Variants in KATNIP observed in about 807,000 individuals in gnomAD.
KATNIP encodes katanin interacting protein, also known as katanin-interacting protein.
In KATNIP, 126 loss-of-function variants were observed where a neutral mutation model predicts 174.0. That is an observed-to-expected ratio of 0.72 (90% CI 0.63 to 0.84). The LOEUF (loss-of-function observed/expected upper bound fraction) is 0.84, where lower values mean the gene tolerates loss of function less well. Among genes scored for constraint, KATNIP ranks in the 40% least tolerant of loss-of-function variants. KATNIP has a pLI of 0.00. For missense variants in KATNIP, 1,958 were observed against 2,109.7 expected (o/e 0.93, Z 1.41); for synonymous variants, 810 against 835.7 (o/e 0.97, Z 0.53).
At chr16:27,631,926 C>T (rs147383569) in intron 5 of KATNIP, among the ~76,000 whole-genome samples, 169 of 152,324 alleles carry the variant, frequency 1.1e-3, no homozygotes, top group Non-Finnish European at 2.0e-3. Flanking sequence ...CACGTAGGCT[C>T]AGCTCCCATG....
intron 2 of KATNIP, among the ~76,000 whole-genome samples, chr16:27,585,333 G>A (rs747146321): frequency 1.1e-4 from 16 of 152,220 alleles, no homozygotes; most frequent in Non-Finnish European, 1.6e-4. Flanking sequence ...TGTTTGTTGG[G>A]AATGTAAATT....
Position 27,750,229 on chromosome 16 carries a change from A to T in KATNIP, c.3269A>T (p.Lys1090Met). ...CGGATACATTCCTTCCGAGGCGTGA[A>T]GGACATCACAATGCTGTTAGACACC... Reference protein sequence around the residue: ...KSRIHSFRGVKDITMLLDTQC... With the variant: ...KSRIHSFRGVMDITMLLDTQC... Residue 1090 changes from lysine (K) to methionine (M), a missense_variant, in exon 16 of 28, where the codon AAG becomes ATG. Around this residue, in one of 3 missense-constraint regions of KATNIP, gnomAD observed 1,557 missense variants for 1,617.8 expected, o/e 0.96. Transcript: ENST00000261588. 1 of 1,614,122 alleles carries T rather than the reference A, an allele frequency of 6.2e-7. No individual in the cohort carries two copies. Among genetic ancestry groups the T allele is most frequent in the Non-Finnish European group, 8.5e-7 (1 of 1,180,026 alleles).
chr16:27,723,975 C>T lies in KATNIP; in HGVS notation c.1743+2280C>T, dbSNP rs139330550. ...AGGCAGCCCCGGCCAGCTGTGTGTA[C>T]GCACAGTGCTGCCCAGAGCTTTCTC... On this transcript the variant is annotated intron_variant, in intron 14 of 27. Coordinates refer to ENST00000261588, the MANE Select transcript of KATNIP (RefSeq NM_015202.5). 3.7e-3 allele frequency among the ~76,000 whole-genome samples: 569 copies of T among 152,334 alleles called. 2 individuals are homozygous for T. The highest frequency in any genetic ancestry group is 0.013 in the African/African-American group (532 of 41,576).
intron 1 of KATNIP, among the ~76,000 whole-genome samples, chr16:27,572,427 G>A (rs983985839): frequency 2.0e-5 from 3 of 149,180 alleles, no homozygotes; most frequent in African/African-American, 7.4e-5. Flanking sequence ...CATGTAGCCA[G>A]TTTCAGATTA....
At chr16:27,602,667 A>C (rs2075566875) in intron 2 of KATNIP, among the ~76,000 whole-genome samples, 1 of 152,088 alleles carries the variant, frequency 6.6e-6, no homozygotes, top group South Asian at 2.1e-4. Flanking sequence ...CCTTCCTAAA[A>C]AGCTGGAGGC....
Position 27,771,589 on chromosome 16 carries a change from C to A in KATNIP, c.4135C>A (p.Leu1379Met), listed in dbSNP as rs569363912. Residue 1379 changes from leucine (L) to methionine (M), a missense_variant and splice_region_variant, in exon 22 of 28, where the codon CTG becomes ATG. Leu to Met is a conservative substitution (Grantham distance 15, BLOSUM62 2). Coordinates refer to ENST00000261588, the MANE Select transcript of KATNIP (RefSeq NM_015202.5). ...TGGTGCTGTTTTGTGCTTTTTCAGGCTGGACATGAGAAGCCTGGAGTGTGC... is the reference window on the plus strand; with the variant it reads ...TGGTGCTGTTTTGTGCTTTTTCAGGATGGACATGAGAAGCCTGGAGTGTGC... Reference protein sequence around the residue: ...AQLLPQPARRLDMRSLECASM... With the variant: ...AQLLPQPARRMDMRSLECASM... 19 of 1,612,466 alleles carry A rather than the reference C, an allele frequency of 1.2e-5. No individual in the cohort carries two copies. In the South Asian group the frequency reaches 2.1e-4, roughly 18 times the overall value.
At chr16:27,570,642 A>G (rs2090253425) in intron 1 of KATNIP, among the ~76,000 whole-genome samples, 1 of 152,106 alleles carries the variant, frequency 6.6e-6, no homozygotes, top group Non-Finnish European at 1.5e-5. Flanking sequence ...GCTGAGTACT[A>G]TCTGTGTGTC....
chr16:27,776,066 C>T lies in KATNIP; in HGVS notation c.4450-862C>T, dbSNP rs1349819296. Among the ~76,000 whole-genome samples, 4 of 152,178 alleles carry T rather than the reference C, an allele frequency of 2.6e-5. No homozygotes were observed. The highest frequency in any genetic ancestry group is 9.7e-5 in the African/African-American group (4 of 41,428). ...GGGTGCGGCGACTTCAGCTGTTGCT[C>T]TCGCGGCTGGACTCCAACATCTGTA... is the stretch of plus-strand genomic sequence containing the variant. On this transcript the variant is annotated intron_variant, in intron 24 of 27. Coordinates refer to ENST00000261588, the MANE Select transcript of KATNIP (RefSeq NM_015202.5). The surrounding 1 kb of genome is among the most constrained non-coding windows in gnomAD (Gnocchi z 4.7).
At chr16:27,660,670 T>A (rs1345755183) in intron 6 of KATNIP, among the ~76,000 whole-genome samples, 2 of 149,734 alleles carry the variant, frequency 1.3e-5, no homozygotes, top group Admixed American at 1.3e-4. Flanking sequence ...GGGGTCTCAC[T>A]ACATTGCCCA....
intron 6 of KATNIP, among the ~76,000 whole-genome samples, chr16:27,662,109 T>C (rs2077546249): frequency 2.3e-5 from 3 of 132,410 alleles, no homozygotes; most frequent in African/African-American, 5.7e-5. Context: ...TATATATATA[T>C]ATATAGTATA....
intron 2 of KATNIP, among the ~76,000 whole-genome samples, chr16:27,612,331 C>T (rs1256233207): frequency 2.0e-5 from 3 of 152,122 alleles, no homozygotes; most frequent in Admixed American, 6.5e-5. Context: ...AGCCCATGTA[C>T]CTCCCAGCTC....
At chr16:27,715,018 G>C (rs900046099) in intron 13 of KATNIP, among the ~76,000 whole-genome samples, 2 of 152,186 alleles carry the variant, frequency 1.3e-5, no homozygotes, top group Middle Eastern at 3.2e-3. Flanking sequence ...GAATAAAGTA[G>C]AACTCACACT....
At chr16:27,589,713 C>T (rs1185622688) in intron 2 of KATNIP, among the ~76,000 whole-genome samples, 3 of 152,172 alleles carry the variant, frequency 2.0e-5, no homozygotes, top group African/African-American at 7.2e-5. Flanking sequence ...TCTTCCAGAT[C>T]ACTAATGTTC....
rs1372683028 is a variant in KATNIP, at chr16:27,717,882, G to A, written c.1606-3676G>A. Among the ~76,000 whole-genome samples, 4 of 152,196 alleles carry A rather than the reference G, an allele frequency of 2.6e-5. No homozygotes were observed. In the East Asian group the frequency reaches 7.7e-4, roughly 29 times the overall value. On this transcript the variant is annotated intron_variant, in intron 13 of 27. Coordinates refer to ENST00000261588, the MANE Select transcript of KATNIP (RefSeq NM_015202.5). Reference sequence around the variant, plus strand: ...CCAACTCCCGGGCCCCATTGGTGCAGTCACTCTGAGGCCTGTTCCACCCTG... The same window carrying A: ...CCAACTCCCGGGCCCCATTGGTGCAATCACTCTGAGGCCTGTTCCACCCTG...
At chr16:27,701,863 G>A (rs1227764066) in intron 11 of KATNIP, among the ~76,000 whole-genome samples, 168 bp downstream of exon 11, 2 of 152,120 alleles carry the variant, frequency 1.3e-5, no homozygotes, top group African/African-American at 4.8e-5. Flanking sequence ...GGCACAAACA[G>A]CTCACTGCAG....
intron 13 of KATNIP, among the ~76,000 whole-genome samples, chr16:27,720,688 G>A (rs1490717422): frequency 6.6e-6 from 1 of 151,910 alleles, no homozygotes; most frequent in Admixed American, 6.6e-5. Flanking sequence ...GTAGCTGAGG[G>A]CACTTGGATT....
At chr16:27,704,651 T>C (rs1486328329) in intron 12 of KATNIP, among the ~76,000 whole-genome samples, 1 of 152,134 alleles carries the variant, frequency 6.6e-6, no homozygotes. Flanking sequence ...GAAAGTATAA[T>C]ACATCAGCAC....
chr16:27,628,974 C>G lies in KATNIP; in HGVS notation c.310+144C>G. ...CTTGAGGCCAAGAGTTCCAGACCAGCCTGGGCAACATGGTGAAACCCTATC... is the reference window on the plus strand; with the variant it reads ...CTTGAGGCCAAGAGTTCCAGACCAGGCTGGGCAACATGGTGAAACCCTATC... On this transcript the variant is annotated intron_variant, in intron 4 of 27. Coordinates refer to ENST00000261588, the MANE Select transcript of KATNIP (RefSeq NM_015202.5). 3.9e-6 allele frequency: 3 copies of G among 777,720 alleles called. No homozygotes were observed. The South Asian group carries it at 5.2e-5, about 13-fold the overall frequency. 48.2% of individuals were successfully genotyped at this position (777,720 alleles called of 1,614,324 possible).
intron 15 of KATNIP, among the ~76,000 whole-genome samples, 180 bp from the exon 16 acceptor site, chr16:27,749,404 C>T (rs1004764910): frequency 6.6e-6 from 1 of 152,180 alleles, no homozygotes; most frequent in Non-Finnish European, 1.5e-5. Flanking sequence ...CCCAGCCATC[C>T]AGTGCCAAGA....
Sources: gnomAD v4.1 joint callset for allele counts (sites outside exome capture counted in the v4.1 genomes callset) on GRCh38, gnomAD v4.1.1 for gene constraint, gnomAD v4.1.1 regional missense constraint, Gnocchi (gnomAD v3.1) non-coding constraint, MANE v1.5 for transcripts, NCBI Gene and HGNC (gene_info 2026-07-23, HGNC 2026-07-21) for gene names.